CPNE4: variants seen among roughly 807,000 people sequenced by gnomAD.
CPNE4 encodes the protein copine 4, also known as copine-4.
CPNE4 carries 25 observed loss-of-function variants against 67.9 expected under a neutral mutation model. That is an observed-to-expected ratio of 0.37 (90% CI 0.27 to 0.51). CPNE4 has a LOEUF of 0.51. Among genes scored for constraint, CPNE4 ranks in the 20% least tolerant of loss-of-function variants. The probability of loss-of-function intolerance (pLI) is 0.93; values close to 1 mark genes in which losing one functional copy is unlikely to be tolerated. For missense variants in CPNE4, 464 were observed against 690.8 expected, an observed-to-expected ratio of 0.67 and a Z score of 3.68; for synonymous variants, 242 against 244.9, an observed-to-expected ratio of 0.99 and a Z score of 0.11.
chr3:131,946,760 G>T (rs923782914), intron 1 of CPNE4, among the ~76,000 whole-genome samples: 3 of 151,992 alleles, frequency 2.0e-5, no homozygotes, highest in Non-Finnish European at 4.4e-5. Flanking sequence ...ACTTTGTTTA[G>T]TTCATCATGC....
intron 9 of CPNE4, among the ~76,000 whole-genome samples, chr3:131,580,850 G>A (rs1200667035): frequency 6.6e-6 from 1 of 152,022 alleles, no homozygotes; most frequent in Non-Finnish European, 1.5e-5. Flanking sequence ...TTTATGGTAC[G>A]CTTTCAGTAT....
At chr3:131,840,088 G>C (rs898299438) in intron 2 of CPNE4, among the ~76,000 whole-genome samples, 4 of 152,084 alleles carry the variant, frequency 2.6e-5, no homozygotes, top group African/African-American at 7.2e-5. Context: ...TGAGGGGTTA[G>C]GTTAGTAAAG....
Position 131,666,696 on chromosome 3 carries a change from C to T in CPNE4, c.681+2979G>A, listed in dbSNP as rs139757505. Among the ~76,000 whole-genome samples the T allele has an allele frequency of 1.4e-4, 21 of 151,976 alleles. No individual in the cohort carries two copies. The East Asian group carries it at 4.1e-3, about 29-fold the overall frequency. ...GGGGCATTCTTGCCAGAAAACAGAC[C>T]CTGAAATCTGATCAAGTTCTAAATA... On this transcript the variant is annotated intron_variant, in intron 7 of 15. Transcript: ENST00000429747.
At chr3:132,014,323 A>C (rs971233702) in intron 1 of CPNE4, among the ~76,000 whole-genome samples, 1 of 151,678 alleles carries the variant, frequency 6.6e-6, no homozygotes, top group African/African-American at 2.4e-5. Context: ...CCTCCCCCCG[A>C]ATGCTCCTCC....
chr3:131,746,374 T>C (rs951355938), intron 2 of CPNE4, among the ~76,000 whole-genome samples: 1 of 152,120 alleles, frequency 6.6e-6, no homozygotes, highest in African/African-American at 2.4e-5. Flanking sequence ...AGAACTTATT[T>C]ATTCTATCTG....
At chr3:131,685,812 C>T (rs1463624812) in intron 6 of CPNE4, 63 bp downstream of exon 6, 1 of 1,137,604 alleles carries the variant, frequency 8.8e-7, no homozygotes, top group Admixed American at 2.0e-5. Context: ...AGGAGTTTCT[C>T]AAAATAGGTC....
At chr3:131,609,860 G>T (rs773564683) in intron 7 of CPNE4, among the ~76,000 whole-genome samples, 3 of 152,030 alleles carry the variant, frequency 2.0e-5, no homozygotes, top group Non-Finnish European at 4.4e-5. Flanking sequence ...TCCAGACCAG[G>T]AGTTTTATTA....
intron 7 of CPNE4, among the ~76,000 whole-genome samples, chr3:131,628,109 G>A (rs536420302): frequency 1.2e-4 from 18 of 152,246 alleles, no homozygotes; most frequent in Admixed American, 8.5e-4. Flanking sequence ...CGGGGCAAAC[G>A]TAATCGTTAT....
At chr3:131,869,200 T>C (rs1298851722) in intron 2 of CPNE4, among the ~76,000 whole-genome samples, 1 of 152,116 alleles carries the variant, frequency 6.6e-6, no homozygotes, top group Non-Finnish European at 1.5e-5. Context: ...CCTGGACAAA[T>C]CTTATCACTT....
intron 2 of CPNE4, among the ~76,000 whole-genome samples, chr3:131,853,727 G>C (rs1243506901): frequency 1.3e-5 from 2 of 151,774 alleles, no homozygotes; most frequent in Admixed American, 1.3e-4. Flanking sequence ...TTAAACTTAT[G>C]GTTGAAGATG....
chr3:131,575,261 A>G (rs1937523545), intron 9 of CPNE4, 131 bp from the exon 10 acceptor site: 1 of 719,324 alleles, frequency 1.4e-6, no homozygotes, highest in Admixed American at 2.2e-5. Context: ...CATTGAAAAA[A>G]GATGGGTCAG....
intron 15 of CPNE4, among the ~76,000 whole-genome samples, chr3:131,542,005 T>C (rs1001939962): frequency 7.9e-5 from 12 of 152,186 alleles, no homozygotes; most frequent in Non-Finnish European, 1.2e-4. Flanking sequence ...TATCATCTTG[T>C]TTTGAAGGAG....
rs185816613 is a variant in CPNE4 at position 131,824,804 on chromosome 3, G to T, written c.180+80460C>A. On this transcript the variant is annotated intron_variant, in intron 2 of 15. Coordinates refer to ENST00000429747, the MANE Select transcript of CPNE4 (RefSeq NM_130808.3). ...TGCTGCTGGAGTACCTTGGATCAGG[G>T]GAGTACCTTTGGATGGAGGCTTGGA... Among the ~76,000 whole-genome samples, 537 of 152,156 alleles carry T rather than the reference G, an allele frequency of 3.5e-3. 4 individuals carry two copies. Among genetic ancestry groups the T allele is most frequent in the Middle Eastern group, 6.8e-3 (2 of 292 alleles).
chr3:131,845,434 C>A (rs1043596103), intron 2 of CPNE4, among the ~76,000 whole-genome samples: 4 of 152,178 alleles, frequency 2.6e-5, no homozygotes, highest in African/African-American at 9.7e-5. Flanking sequence ...AGTTTTTATT[C>A]TTTACTATGC....
At chr3:131,801,454 A>G (rs201685324) in intron 2 of CPNE4, among the ~76,000 whole-genome samples, 8,768 of 52,102 alleles carry the variant, frequency 0.17, 514 homozygotes, top group East Asian at 0.26. Flanking sequence ...GTGTGTGTGT[A>G]TATATATATA....
intron 2 of CPNE4, among the ~76,000 whole-genome samples, chr3:131,759,350 G>A (rs900098713): frequency 6.6e-6 from 1 of 152,130 alleles, no homozygotes; most frequent in Non-Finnish European, 1.5e-5. Flanking sequence ...GCCTACTTTA[G>A]GAAGCTTGTC....
chr3:131,718,164 T>C lies in CPNE4; in HGVS notation c.360+5282A>G, dbSNP rs551723567. On this transcript the variant is annotated intron_variant, in intron 3 of 15. Coordinates refer to ENST00000429747, the MANE Select transcript of CPNE4 (RefSeq NM_130808.3). ...CGCCTGCCACCATGCCTGGCTAATATTTTGTATTTTTAGTAGAGATGGGTT... is the reference window on the plus strand; with the variant it reads ...CGCCTGCCACCATGCCTGGCTAATACTTTGTATTTTTAGTAGAGATGGGTT... Among the ~76,000 whole-genome samples, 58 of 151,946 alleles carry C rather than the reference T, an allele frequency of 3.8e-4. No homozygotes were observed. In the South Asian group the frequency reaches 0.012, roughly 31 times the overall value.
intron 7 of CPNE4, among the ~76,000 whole-genome samples, chr3:131,633,143 A>G (rs966460025): frequency 6.6e-6 from 1 of 152,174 alleles, no homozygotes; most frequent in African/African-American, 2.4e-5. Flanking sequence ...CTTTCAGGAA[A>G]TCTTGTTGGT....
chr3:131,975,606 G>A (rs542939014), intron 1 of CPNE4, among the ~76,000 whole-genome samples: 68 of 152,294 alleles, frequency 4.5e-4, no homozygotes, highest in Non-Finnish European at 8.5e-4. Context: ...CTACACTGCA[G>A]AAATAAACAC....
Sources: allele counts gnomAD v4.1 joint callset (sites outside exome capture counted in the v4.1 genomes callset), GRCh38; gene constraint gnomAD v4.1.1; transcripts MANE v1.5; gene names NCBI Gene and HGNC (gene_info 2026-07-23, HGNC 2026-07-21).